The following MYH10 variants were observed in gnomAD, a reference collection of about 807,000 sequenced individuals.
MYH10 encodes the protein myosin heavy chain 10.
In MYH10, 55 loss-of-function variants were observed where a neutral mutation model predicts 257.8. That is an observed-to-expected ratio of 0.21 (90% CI 0.17 to 0.27). The LOEUF (loss-of-function observed/expected upper bound fraction) is 0.27, where lower values mean the gene tolerates loss of function less well. MYH10 is among the 10% of genes least tolerant of loss of function. MYH10 has a pLI of 1.00. For synonymous variants in MYH10, 854 were observed against 921.7 expected (o/e 0.93, Z 1.33); for missense variants, 1,631 against 2,500.6 (o/e 0.65, Z 7.42).
At chr17:8,530,418 A>G (rs372621585) in intron 17 of MYH10, among the ~76,000 whole-genome samples, 64 of 152,302 alleles carry the variant, frequency 4.2e-4, no homozygotes, top group African/African-American at 1.5e-3. Context: ...GCACTCAAAC[A>G]TTTGCCTTGA....
At chr17:8,550,230 C>T (rs1597803637) in intron 9 of MYH10, among the ~76,000 whole-genome samples, 1 of 151,030 alleles carries the variant, frequency 6.6e-6, no homozygotes, top group Non-Finnish European at 1.5e-5. Context: ...TGCCATCCCA[C>T]CTAGGAAGTG....
chr17:8,620,603 T>C (rs909077972), intron 2 of MYH10, among the ~76,000 whole-genome samples: 2 of 152,148 alleles, frequency 1.3e-5, no homozygotes, highest in African/African-American at 4.8e-5. Context: ...CCAAAAAAGG[T>C]TCTACCCAAA....
At chr17:8,565,509 T>A (rs1305963817) in intron 7 of MYH10, among the ~76,000 whole-genome samples, 1 of 152,184 alleles carries the variant, frequency 6.6e-6, no homozygotes, top group Non-Finnish European at 1.5e-5. Flanking sequence ...AAAATACGTA[T>A]CAATAAAAGT....
chr17:8,535,576 C>A lies in MYH10; in HGVS notation c.1780-75G>T. 7.2e-7 allele frequency: 1 copy of A among 1,394,352 alleles called. No homozygotes were observed. 86.4% of individuals were successfully genotyped at this position (1,394,352 alleles called of 1,614,324 possible). ...ATGCAAAAACAAAAACACTTTAAGCCTCAACCAGAAACTTTTATACAACAG... is the reference window on the plus strand; with the variant it reads ...ATGCAAAAACAAAAACACTTTAAGCATCAACCAGAAACTTTTATACAACAG... On this transcript the variant is annotated intron_variant, in intron 15 of 42. Coordinates refer to ENST00000360416, the MANE Select transcript of MYH10 (RefSeq NM_001256012.3). This position sits in a 1 kb window ranked among gnomAD's most constrained non-coding sequence, Gnocchi z 4.3.
In MYH10 at chr17:8,508,652, A is replaced by G. The variant is rs747360393; in HGVS notation, c.3116T>C (p.Ile1039Thr). ...IKEKKLMEDR[I>T]AECSSQLAEE... ...AGCCAGCTGAGAGGAACACTCAGCAATGCGATCTTCCATGAGTTTCTTTTC... is the reference window on the plus strand; with the variant it reads ...AGCCAGCTGAGAGGAACACTCAGCAGTGCGATCTTCCATGAGTTTCTTTTC... Residue 1039 changes from isoleucine to threonine, a missense_variant, in exon 26 of 43, where the codon ATT becomes ACT. Physicochemically the swap from Ile to Thr is moderately conservative, Grantham distance 89 (BLOSUM62 -1). Coordinates refer to ENST00000360416, the MANE Select transcript of MYH10 (RefSeq NM_001256012.3). 1.5e-5 allele frequency: 24 copies of G among 1,613,948 alleles called. No homozygotes were observed. Among genetic ancestry groups the G allele is most frequent in the African/African-American group, 2.7e-5 (2 of 74,896 alleles).
intron 1 of MYH10, among the ~76,000 whole-genome samples, chr17:8,623,806 C>A (rs2085567015): frequency 6.6e-6 from 1 of 152,152 alleles, no homozygotes; most frequent in Non-Finnish European, 1.5e-5. Flanking sequence ...TAACCCAAAT[C>A]AGTCTCCCTC....
At chr17:8,513,972 A>T in intron 21 of MYH10, 78 bp from the exon 22 acceptor site, 2 of 1,215,270 alleles carry the variant, frequency 1.6e-6, no homozygotes, top group African/African-American at 1.5e-5. Context: ...GCCTTTCTAA[A>T]GGCCCGTGTT....
Position 8,530,608 on chromosome 17 carries a change from G to A in MYH10, c.1957+15C>T. ...CCCTTCTGTTTTGGAAGACCTACAG[G>A]CTTTATACATTCACCTGGTGGCTCA... On this transcript the variant is annotated intron_variant, in intron 17 of 42. Transcript: ENST00000360416. 6.5e-7 allele frequency: 1 copy of A among 1,538,318 alleles called. No homozygotes were observed. The highest frequency in any genetic ancestry group is 8.8e-7 in the Non-Finnish European group (1 of 1,138,924).
Position 8,483,951 on chromosome 17 carries a change from TTC to T in MYH10, c.5175+185_5175+186del, listed in dbSNP as rs371089433. Among the ~76,000 whole-genome samples the T allele has an allele frequency of 2.0e-3, 303 of 152,322 alleles. 3 individuals carry two copies. Among genetic ancestry groups the T allele is most frequent in the African/African-American group, 6.7e-3 (278 of 41,586 alleles). On this transcript the variant is annotated intron_variant, in intron 37 of 42. Coordinates refer to ENST00000360416, the MANE Select transcript of MYH10 (RefSeq NM_001256012.3). ...TGTGAGCAGTGTCGAAGTGATAACT[TTC>T]TGTTTCCAAACTGAAGCAACAAGAA... is the stretch of plus-strand genomic sequence containing the variant.
intron 3 of MYH10, among the ~76,000 whole-genome samples, chr17:8,598,827 C>A (rs2084486374): frequency 6.6e-6 from 1 of 152,072 alleles, no homozygotes; most frequent in Non-Finnish European, 1.5e-5. Flanking sequence ...CCACCTCAGC[C>A]TCCTGAGTAG....
intron 3 of MYH10, 137 bp from the exon 4 acceptor site, chr17:8,589,245 A>G: frequency 1.3e-6 from 1 of 765,362 alleles, no homozygotes; most frequent in African/African-American, 1.8e-5. Context: ...TAATGCCTCC[A>G]ACCCCATTAT....
At chr17:8,626,399 CTACAAAAAA>C (rs1194750153) in intron 1 of MYH10, among the ~76,000 whole-genome samples, 1 of 151,810 alleles carries the variant, frequency 6.6e-6, no homozygotes, top group Non-Finnish European at 1.5e-5. Context: ...AACCCCGTCT[CTACAAAAAA>C]TACAAAAAAT....
At chr17:8,601,041 T>C (rs2084571357) in intron 3 of MYH10, among the ~76,000 whole-genome samples, 1 of 152,212 alleles carries the variant, frequency 6.6e-6, no homozygotes, top group Admixed American at 6.5e-5. Flanking sequence ...CATTCCAGGA[T>C]TCCATGAAGA....
rs113195029 is a variant in MYH10, at chr17:8,495,042, A to G, written c.4056+95T>C. The stretch of plus-strand genomic sequence containing the variant: ...TATGACATAAAACTAGTAAGAGGTG[A>G]CACAGAAGGCAATTCTGGGGCCAGC... On this transcript the variant is annotated intron_variant, in intron 31 of 42. Coordinates refer to ENST00000360416, the MANE Select transcript of MYH10 (RefSeq NM_001256012.3). 2,575 of 760,588 alleles carry G rather than the reference A, an allele frequency of 3.4e-3. 48 individuals carry two copies. In the African/African-American group the frequency reaches 0.04, roughly 12 times the overall value. The allele number at this position is 760,588 out of a possible 1,614,324, so 47.1% of individuals were successfully genotyped here.
At chr17:8,489,239 C>A (rs1915362541) in intron 35 of MYH10, among the ~76,000 whole-genome samples, 1 of 152,174 alleles carries the variant, frequency 6.6e-6, no homozygotes, top group African/African-American at 2.4e-5. Context: ...GAGGTCCTTA[C>A]TGTACCAGAA....
intron 21 of MYH10, among the ~76,000 whole-genome samples, chr17:8,518,287 C>T (rs1474772088): frequency 6.6e-6 from 1 of 152,064 alleles, no homozygotes. Flanking sequence ...GCGCATGCTA[C>T]CAAGCCTGGC....
At position 8,623,395 on chromosome 17, in the gene MYH10, G is replaced by A. The variant is rs894639739; in HGVS notation, c.-31-118C>T. On this transcript the variant is annotated intron_variant, in intron 1 of 42. Transcript: ENST00000360416. Reference sequence around the variant, plus strand: ...AGCATTAACTCTGTGTTAAGGAGCTGGGGTATACCTCTTCACAGCCATACT... The same window carrying A: ...AGCATTAACTCTGTGTTAAGGAGCTAGGGTATACCTCTTCACAGCCATACT... The A allele has an allele frequency of 4.1e-6, 4 of 966,524 alleles. No homozygotes were observed. In the African/African-American group the frequency reaches 5.1e-5, roughly 12 times the overall value. The allele number at this position is 966,524 out of a possible 1,614,324, so 59.9% of individuals were successfully genotyped here. A position where few individuals can be genotyped will look rare whatever the true frequency, so the allele number is the denominator to read the frequency against.
Position 8,545,633 on chromosome 17 carries a change from G to A in MYH10, c.1279-33C>T. Reference sequence around the variant, plus strand: ...TAAATCACAACAACCTTTTATTCTGGAAACAATCTCAACAAAGCATAAATA... The same window carrying A: ...TAAATCACAACAACCTTTTATTCTGAAAACAATCTCAACAAAGCATAAATA... On this transcript the variant is annotated intron_variant, in intron 12 of 42. Coordinates refer to ENST00000360416, the MANE Select transcript of MYH10 (RefSeq NM_001256012.3). The surrounding 1 kb of genome is among the most constrained non-coding windows in gnomAD (Gnocchi z 4.7). 2 of 1,597,330 alleles carry A rather than the reference G, an allele frequency of 1.3e-6. No homozygotes were observed. The highest frequency in any genetic ancestry group is 1.7e-6 in the Non-Finnish European group (2 of 1,173,284).
chr17:8,478,497 T>C, intron 40 of MYH10, 51 bp from the exon 41 acceptor site: 23 of 1,552,694 alleles, frequency 1.5e-5, no homozygotes, highest in Non-Finnish European at 2.0e-5. Flanking sequence ...GTATTTTGTG[T>C]GGGAAAAAAT....
Sources: allele counts gnomAD v4.1 joint callset (sites outside exome capture counted in the v4.1 genomes callset), GRCh38; gene constraint gnomAD v4.1.1; non-coding constraint Gnocchi (gnomAD v3.1); transcripts MANE v1.5; gene names NCBI Gene and HGNC (gene_info 2026-07-23, HGNC 2026-07-21).